CDH12: variants seen among roughly 807,000 people sequenced by gnomAD.
CDH12 encodes cadherin-12.
Under a neutral mutation model 74.1 loss-of-function variants are expected in CDH12, and 41 were observed. The ratio of observed to expected loss-of-function variants is 0.55; its 90% CI spans 0.43 to 0.72. CDH12 has a LOEUF of 0.72. Ranked by LOEUF, CDH12 falls within the 30% of genes least tolerant of loss-of-function variation. The probability of loss-of-function intolerance (pLI) is 0.00; values close to 1 mark genes in which losing one functional copy is unlikely to be tolerated. For synonymous variants in CDH12, 399 were observed against 355.0 expected (o/e 1.12, Z -1.39); for missense variants, 945 against 977.2 (o/e 0.97, Z 0.44).
intron 1 of CDH12, among the ~76,000 whole-genome samples, chr5:22,525,832 C>G (rs1737248458): frequency 6.6e-6 from 1 of 152,082 alleles, no homozygotes; most frequent in Admixed American, 6.6e-5. Context: ...GGGTTATGAG[C>G]ATAACTACCT....
intron 2 of CDH12, among the ~76,000 whole-genome samples, chr5:22,480,402 G>A (rs995367027): frequency 6.6e-6 from 1 of 151,714 alleles, no homozygotes; most frequent in African/African-American, 2.4e-5. Context: ...GGGAAACATG[G>A]TGAAACTTTG....
intron 1 of CDH12, among the ~76,000 whole-genome samples, chr5:22,691,051 G>A (rs1580891724): frequency 6.6e-6 from 1 of 152,038 alleles, no homozygotes; most frequent in Admixed American, 6.6e-5. Flanking sequence ...ATTTACCTAT[G>A]TTTTTTAAAA....
intron 3 of CDH12, among the ~76,000 whole-genome samples, chr5:22,221,324 C>T (rs960356181): frequency 2.0e-5 from 3 of 151,882 alleles, no homozygotes; most frequent in African/African-American, 7.2e-5. Context: ...CAATGTGGTT[C>T]GTCTGTATTC....
intron 5 of CDH12, among the ~76,000 whole-genome samples, chr5:22,073,679 T>C (rs1742108140): frequency 6.6e-6 from 1 of 152,168 alleles, no homozygotes; most frequent in African/African-American, 2.4e-5. Context: ...GTGATTTATT[T>C]GTATACAAAG....
At chr5:22,081,634 A>G (rs1169471138) in intron 4 of CDH12, among the ~76,000 whole-genome samples, 1 of 152,226 alleles carries the variant, frequency 6.6e-6, no homozygotes, top group African/African-American at 2.4e-5. Flanking sequence ...CTCAGACTTT[A>G]GAGAACACTG....
intron 3 of CDH12, among the ~76,000 whole-genome samples, chr5:22,305,790 T>A (rs1311979175): frequency 5.9e-5 from 9 of 152,144 alleles, no homozygotes; most frequent in Non-Finnish European, 7.4e-5. Context: ...GTCCAGTAAA[T>A]GTTGACCGTA....
chr5:21,922,663 G>T (rs1288491698), intron 6 of CDH12, among the ~76,000 whole-genome samples: 1 of 152,014 alleles, frequency 6.6e-6, no homozygotes, highest in African/African-American at 2.4e-5. Context: ...TGGTTTACTA[G>T]AAAAAATAAA....
chr5:22,706,112 G>T (rs932922913), intron 1 of CDH12, among the ~76,000 whole-genome samples: 1 of 152,064 alleles, frequency 6.6e-6, no homozygotes, highest in African/African-American at 2.4e-5. Flanking sequence ...TCACTTTACA[G>T]ATAAAATGTA....
intron 4 of CDH12, among the ~76,000 whole-genome samples, chr5:22,137,768 A>G (rs1168959259): frequency 2.0e-5 from 3 of 152,108 alleles, no homozygotes; most frequent in Non-Finnish European, 4.4e-5. Context: ...GGCGCCATAA[A>G]TAAAGCAGTC....
intron 2 of CDH12, among the ~76,000 whole-genome samples, chr5:22,429,114 ATTTTATT>A (rs1561397557): frequency 0.016 from 2,391 of 150,284 alleles, 53 homozygotes; most frequent in African/African-American, 0.055. Flanking sequence ...ATTTTATTTT[ATTTTATT>A]TTATTTTATT....
chr5:22,644,872 T>C (rs1739354807), intron 1 of CDH12, among the ~76,000 whole-genome samples: 5 of 152,084 alleles, frequency 3.3e-5, no homozygotes. Flanking sequence ...TTAAGAACTA[T>C]TTTAATTCTA....
intron 4 of CDH12, among the ~76,000 whole-genome samples, chr5:22,161,414 C>A (rs552947364): frequency 6.6e-6 from 1 of 152,090 alleles, no homozygotes; most frequent in Non-Finnish European, 1.5e-5. Context: ...AGAAAAATAT[C>A]TGGCTGGGCA....
chr5:22,035,184 C>T (rs912280033), intron 5 of CDH12, among the ~76,000 whole-genome samples: 1 of 152,060 alleles, frequency 6.6e-6, no homozygotes, highest in Non-Finnish European at 1.5e-5. Context: ...TCTTCATTCA[C>T]CATGAGTGTC....
At position 22,080,526 on chromosome 5, in the gene CDH12, C is replaced by A. The variant is rs902361002; in HGVS notation, c.-186-1664G>T. ...CTTTTTTTGCATCTTTTCATTCTGA[C>A]AAAATAATATTTATAAAAAGTTAAG... On this transcript the variant is annotated intron_variant, in intron 4 of 14. Coordinates refer to ENST00000382254, the MANE Select transcript of CDH12 (RefSeq NM_004061.5). Among the ~76,000 whole-genome samples the A allele has an allele frequency of 3.2e-4, 49 of 151,966 alleles. 1 individual carries two copies. The highest frequency in any genetic ancestry group is 2.6e-3 in the Admixed American group (39 of 15,242).
chr5:22,349,950 T>C (rs1437029074), intron 3 of CDH12, among the ~76,000 whole-genome samples: 3 of 152,174 alleles, frequency 2.0e-5, no homozygotes, highest in Non-Finnish European at 4.4e-5. Flanking sequence ...AAATAAATGA[T>C]TGTACACAGT....
intron 5 of CDH12, among the ~76,000 whole-genome samples, chr5:22,007,022 T>G (rs2150149108): frequency 6.6e-6 from 1 of 152,280 alleles, no homozygotes; most frequent in East Asian, 1.9e-4. Flanking sequence ...TATTTAAAAT[T>G]ATTTATTTAC....
At chr5:21,850,721 T>G (rs1050023536) in intron 7 of CDH12, among the ~76,000 whole-genome samples, 1 of 151,406 alleles carries the variant, frequency 6.6e-6, no homozygotes, top group Non-Finnish European at 1.5e-5. Context: ...GTGGGCAAAC[T>G]TTATCATGTT....
intron 3 of CDH12, among the ~76,000 whole-genome samples, chr5:22,260,849 A>T (rs1753480603): frequency 6.6e-6 from 1 of 151,982 alleles, no homozygotes; most frequent in Non-Finnish European, 1.5e-5. Flanking sequence ...AGTGGGAATG[A>T]CTTGAAAAAC....
intron 2 of CDH12, among the ~76,000 whole-genome samples, chr5:22,444,510 C>T (rs1187099522): frequency 6.6e-6 from 1 of 150,742 alleles, no homozygotes; most frequent in African/African-American, 2.4e-5. Context: ...AGATCAAAGT[C>T]GTTGATGCTG....
Sources: gnomAD v4.1 joint callset for allele counts (sites outside exome capture counted in the v4.1 genomes callset) on GRCh38, gnomAD v4.1.1 for gene constraint, MANE v1.5 for transcripts, NCBI Gene and HGNC (gene_info 2026-07-23, HGNC 2026-07-21) for gene names.